The following DISC1 variants were observed in gnomAD, a reference collection of about 807,000 sequenced individuals.
The protein encoded by DISC1 is disrupted in schizophrenia 1 protein.
Under a neutral mutation model 84.5 loss-of-function variants are expected in DISC1, and 57 were observed. The observed-to-expected ratio is 0.67, with a 90% CI of 0.55 to 0.84. DISC1 has a LOEUF of 0.84. Among genes scored for constraint, DISC1 ranks in the 40% least tolerant of loss-of-function variants. The pLI, the probability that DISC1 is intolerant of heterozygous loss-of-function variation, is 0.00. For missense variants in DISC1, 1,000 were observed against 1,057.8 expected (o/e 0.95, Z 0.76); for synonymous variants, 411 against 415.2 (o/e 0.99, Z 0.12).
intron 1 of DISC1, among the ~76,000 whole-genome samples, chr1:231,692,234 T>C (rs761349942): frequency 6.6e-6 from 1 of 152,222 alleles, no homozygotes; most frequent in Non-Finnish European, 1.5e-5. Context: ...TTCTTTACTC[T>C]GACTTCTTCC....
chr1:231,876,936 G>T (rs1225817417), intron 9 of DISC1, among the ~76,000 whole-genome samples: 3 of 152,158 alleles, frequency 2.0e-5, no homozygotes, highest in Non-Finnish European at 4.4e-5. Flanking sequence ...GGTGCCCACT[G>T]CTAAATGGTT....
At chr1:231,907,088 T>TTCCCTCCCTCCCTTCCTTCCTTCCC (rs141647093) in intron 9 of DISC1, among the ~76,000 whole-genome samples, 7 of 41,670 alleles carry the variant, frequency 1.7e-4, no homozygotes, top group African/African-American at 5.8e-4. Flanking sequence ...CCTTCCTTCC[T>TTCCCTCCCTCCCTTCCTTCCTTCCC]TCCCTCCCTC....
intron 10 of DISC1, among the ~76,000 whole-genome samples, chr1:231,992,088 T>A (rs1665281164): frequency 6.6e-6 from 1 of 152,232 alleles, no homozygotes; most frequent in Non-Finnish European, 1.5e-5. Flanking sequence ...ATGTCTCTTT[T>A]ACCTTGTCTG....
intron 6 of DISC1, among the ~76,000 whole-genome samples, chr1:231,786,109 T>C (rs2077838743): frequency 6.6e-6 from 1 of 152,240 alleles, no homozygotes; most frequent in Admixed American, 6.5e-5. Context: ...TGTATATTTC[T>C]GTCTCTATTA....
chr1:231,969,934 C>CT (rs1273623350), intron 10 of DISC1, among the ~76,000 whole-genome samples: 1 of 152,122 alleles, frequency 6.6e-6, no homozygotes, highest in African/African-American at 2.4e-5. Context: ...TGAGCTCATC[C>CT]TTTTTTATGG....
At chr1:231,792,165 G>A (rs2078400709) in intron 6 of DISC1, among the ~76,000 whole-genome samples, 1 of 151,964 alleles carries the variant, frequency 6.6e-6, no homozygotes, top group Non-Finnish European at 1.5e-5. Context: ...CAAATCTGTT[G>A]CAAAAAGGAA....
At chr1:231,797,475 C>A (rs1036597898) in intron 7 of DISC1, among the ~76,000 whole-genome samples, 4 of 152,142 alleles carry the variant, frequency 2.6e-5, no homozygotes, top group African/African-American at 9.7e-5. Context: ...TGGCTAAGTT[C>A]TGGTGAGAGG....
intron 10 of DISC1, among the ~76,000 whole-genome samples, chr1:231,996,843 A>G (rs184472852): frequency 1.3e-5 from 2 of 152,220 alleles, no homozygotes; most frequent in Non-Finnish European, 2.9e-5. Flanking sequence ...CTGAAATTGT[A>G]TCTGCTAGCT....
chr1:231,741,966 C>T (rs1258894042), intron 3 of DISC1, among the ~76,000 whole-genome samples: 3 of 152,068 alleles, frequency 2.0e-5, no homozygotes, highest in African/African-American at 7.2e-5. Flanking sequence ...AATGTGTTCC[C>T]AACAGAGCAG....
chr1:231,713,811 G>GAT (rs1253266747), intron 3 of DISC1, among the ~76,000 whole-genome samples: 9 of 141,382 alleles, frequency 6.4e-5, no homozygotes, highest in South Asian at 2.2e-4. Flanking sequence ...ATATATAGGA[G>GAT]ATATATATAT....
intron 10 of DISC1, among the ~76,000 whole-genome samples, chr1:231,960,112 T>C (rs143381715): frequency 1.3e-3 from 201 of 152,264 alleles, no homozygotes; most frequent in African/African-American, 4.5e-3. Context: ...TTCAGTTTGT[T>C]TTGTTTTGTT....
intron 11 of DISC1, among the ~76,000 whole-genome samples, chr1:232,021,629 G>A (rs1258563726): frequency 6.6e-6 from 1 of 152,178 alleles, no homozygotes; most frequent in Non-Finnish European, 1.5e-5. Context: ...TGCACTACCT[G>A]CTAGCATTTT....
chr1:231,800,890 G>A (rs572597288), intron 8 of DISC1, among the ~76,000 whole-genome samples: 1 of 151,746 alleles, frequency 6.6e-6, no homozygotes, highest in Non-Finnish European at 1.5e-5. Context: ...TGGCAGATCT[G>A]GGGCTAAAGT....
chr1:231,955,870 C>T (rs761858394), intron 9 of DISC1, among the ~76,000 whole-genome samples: 8 of 152,122 alleles, frequency 5.3e-5, no homozygotes, highest in Non-Finnish European at 1.0e-4. Context: ...CTAAAATCTG[C>T]CCACTTATCA....
At chr1:231,886,754 T>TCTTC (rs547981455) in intron 9 of DISC1, among the ~76,000 whole-genome samples, 3,363 of 123,972 alleles carry the variant, frequency 0.027, 135 homozygotes, top group East Asian at 0.042. Flanking sequence ...TTTCTTCCTT[T>TCTTC]CTTCCTTCCT....
intron 9 of DISC1, among the ~76,000 whole-genome samples, chr1:231,916,037 G>T (rs941986505): frequency 2.0e-5 from 3 of 152,168 alleles, no homozygotes; most frequent in African/African-American, 7.2e-5. Flanking sequence ...GGATTACGAA[G>T]AGTAGCTCTT....
chr1:231,982,779 C>T (rs923844943), intron 10 of DISC1, among the ~76,000 whole-genome samples: 9 of 151,950 alleles, frequency 5.9e-5, no homozygotes, highest in Non-Finnish European at 1.2e-4. Flanking sequence ...AGCCTTGGAG[C>T]GTGTGAAGAA....
chr1:231,974,970 C>T lies in DISC1; in HGVS notation c.2042+16082C>T, dbSNP rs563323829. 2.4e-4 allele frequency among the ~76,000 whole-genome samples: 36 copies of T among 152,148 alleles called. No individual in the cohort carries two copies. The South Asian group carries it at 7.3e-3, about 31-fold the overall frequency. On this transcript the variant is annotated intron_variant, in intron 10 of 12. Transcript: ENST00000439617. Reference sequence around the variant, plus strand: ...AAAAAATTAGCTGGGCGTGGTGGCACATGCCTGTAGTCCCAGCTACTCGGG... The same window carrying T: ...AAAAAATTAGCTGGGCGTGGTGGCATATGCCTGTAGTCCCAGCTACTCGGG...
At chr1:231,719,356 G>T (rs940559604) in intron 3 of DISC1, among the ~76,000 whole-genome samples, 1 of 152,126 alleles carries the variant, frequency 6.6e-6, no homozygotes, top group Non-Finnish European at 1.5e-5. Context: ...ATGAACAAGT[G>T]AATTCATCTT....
Sources: allele counts gnomAD v4.1 joint callset (sites outside exome capture counted in the v4.1 genomes callset), GRCh38; gene constraint gnomAD v4.1.1; transcripts MANE v1.5; gene names NCBI Gene and HGNC (gene_info 2026-07-23, HGNC 2026-07-21).